Variants in CPLX2 observed in about 807,000 individuals in gnomAD.
CPLX2 encodes complexin-2.
A neutral mutation model predicts 16.3 loss-of-function variants in CPLX2; 5 were observed. That is an observed-to-expected ratio of 0.31 (90% CI 0.16 to 0.64). The LOEUF (loss-of-function observed/expected upper bound fraction) is 0.64, where lower values mean the gene tolerates loss of function less well. Ranked by LOEUF, CPLX2 falls within the 30% of genes least tolerant of loss-of-function variation. CPLX2 has a pLI of 0.79. For missense variants in CPLX2, 144 were observed against 181.4 expected, an observed-to-expected ratio of 0.79 and a Z score of 1.18; for synonymous variants, 89 against 73.2, an observed-to-expected ratio of 1.22 and a Z score of -1.10.
At chr5:175,851,216 T>C (rs1051795861) in intron 2 of CPLX2, among the ~76,000 whole-genome samples, 1 of 152,046 alleles carries the variant, frequency 6.6e-6, no homozygotes, top group African/African-American at 2.4e-5. Context: ...CCCCCTTTGG[T>C]TTGAGCTGGG....
upstream of CPLX2, chr5:175,871,410 G>GGAGAGAGAGAGAGAGA (rs72487413): frequency 1.0e-4 from 3 of 28,680 alleles, no homozygotes; most frequent in African/African-American, 2.5e-4. Flanking sequence ...AAGAGAGAGA[G>GGAGAGAGAGAGAGAGA]GAGAGAGAGA....
intron 2 of CPLX2, among the ~76,000 whole-genome samples, chr5:175,835,005 G>T (rs1449464493): frequency 1.3e-5 from 2 of 152,242 alleles, no homozygotes; most frequent in Non-Finnish European, 1.5e-5. Flanking sequence ...AGGCCAGGGG[G>T]CAGGACCACA....
chr5:175,806,099 C>T (rs117803998), intron 1 of CPLX2, among the ~76,000 whole-genome samples: 6 of 152,298 alleles, frequency 3.9e-5, no homozygotes, highest in East Asian at 3.9e-4. Flanking sequence ...GGATCTAGAG[C>T]GCAGAGCTGA....
chr5:175,820,514 C>G (rs1221225358), intron 2 of CPLX2, among the ~76,000 whole-genome samples: 1 of 152,164 alleles, frequency 6.6e-6, no homozygotes, highest in Non-Finnish European at 1.5e-5. Context: ...TGCAGCTGCC[C>G]CCACTCAGGC....
At chr5:175,851,339 G>A (rs1333454906) in intron 2 of CPLX2, among the ~76,000 whole-genome samples, 1 of 152,210 alleles carries the variant, frequency 6.6e-6, no homozygotes, top group Non-Finnish European at 1.5e-5. Context: ...CAAAGGCCCA[G>A]TGAGGCTGGG....
upstream of CPLX2, among the ~76,000 whole-genome samples, chr5:175,867,596 T>C (rs994257375): frequency 6.6e-6 from 1 of 152,098 alleles, no homozygotes; most frequent in Admixed American, 6.5e-5. Context: ...TGACTTATTC[T>C]ACTCTAATAA....
upstream of CPLX2, chr5:175,871,472 A>AGAGAGAGAGG (rs1759615142): frequency 1.3e-5 from 2 of 149,660 alleles, no homozygotes; most frequent in East Asian, 2.0e-4. Flanking sequence ...AGAGAGAGAG[A>AGAGAGAGAGG]GAGAGAGAGA....
At chr5:175,878,414 G>C in intron 1 of CPLX2, 1 of 476,570 alleles carries the variant, frequency 2.1e-6, no homozygotes, top group Non-Finnish European at 3.7e-6. Context: ...ATAGGGTCAA[G>C]ATGAAGGCTT....
rs1273424592 is a variant in CPLX2, at chr5:175,849,113, G to T, written c.-88-29539G>T. ...CAGGATCCCTCCTCTGCTGTGGGAGGCTGTGCTGGTGTGTGTTTTTAACAC... is the reference window on the plus strand; with the variant it reads ...CAGGATCCCTCCTCTGCTGTGGGAGTCTGTGCTGGTGTGTGTTTTTAACAC... On this transcript the variant is annotated intron_variant, in intron 2 of 4. Coordinates refer to the CPLX2 transcript ENST00000359546. This position sits in a 1 kb window ranked among gnomAD's most constrained non-coding sequence, Gnocchi z 4.4. Among the ~76,000 whole-genome samples the T allele has an allele frequency of 6.6e-6, 1 of 152,182 alleles. No individual in the cohort carries two copies. Among genetic ancestry groups the T allele is most frequent in the Non-Finnish European group, 1.5e-5 (1 of 68,040 alleles).
At chr5:175,848,388 G>T (rs1280613254) in intron 2 of CPLX2, among the ~76,000 whole-genome samples, 1 of 152,210 alleles carries the variant, frequency 6.6e-6, no homozygotes, top group Non-Finnish European at 1.5e-5. Context: ...AAGTCAACCA[G>T]GGGACAGGAG....
chr5:175,845,373 C>G lies in CPLX2; in HGVS notation c.-88-33279C>G, dbSNP rs574507603. ...CCTCATTTCCTCAACTCTGCCCCTG[C>G]TCCCACACTGCAGCCACATGGCCTT... On this transcript the variant is annotated intron_variant, in intron 2 of 4. Coordinates refer to the CPLX2 transcript ENST00000359546. The surrounding 1 kb of genome is among the most constrained non-coding windows in gnomAD (Gnocchi z 4.0). 1.2e-4 allele frequency among the ~76,000 whole-genome samples: 19 copies of G among 152,338 alleles called. No individual in the cohort carries two copies. In the East Asian group the frequency reaches 2.9e-3, roughly 23 times the overall value.
chr5:175,823,012 C>T (rs1010007076), intron 2 of CPLX2, among the ~76,000 whole-genome samples: 3 of 152,266 alleles, frequency 2.0e-5, no homozygotes, highest in Admixed American at 6.5e-5. Flanking sequence ...AACAGGCTCA[C>T]GCCTTCTTAG....
At chr5:175,857,411 T>C (rs6863378) in intron 2 of CPLX2, among the ~76,000 whole-genome samples, 8,851 of 152,264 alleles carry the variant, frequency 0.058, 877 homozygotes, top group African/African-American at 0.2. Flanking sequence ...CTCCTTGACT[T>C]ACAATGGGTT....
chr5:175,823,039 C>T (rs1173149080), intron 2 of CPLX2, among the ~76,000 whole-genome samples: 1 of 152,208 alleles, frequency 6.6e-6, no homozygotes, highest in African/African-American at 2.4e-5. Flanking sequence ...GGTGTCATCT[C>T]CTCAAAAAAA....
chr5:175,829,505 G>A (rs565288046), intron 2 of CPLX2, among the ~76,000 whole-genome samples: 1 of 152,266 alleles, frequency 6.6e-6, no homozygotes, highest in South Asian at 2.1e-4. Flanking sequence ...GGTGGGCCTC[G>A]AGCTCCACCT....
At chr5:175,806,345 T>C (rs548027343) in intron 1 of CPLX2, among the ~76,000 whole-genome samples, 1 of 152,308 alleles carries the variant, frequency 6.6e-6, no homozygotes, top group South Asian at 2.1e-4. Context: ...CTGCAAATCC[T>C]TAGCTCCAGA....
At chr5:175,800,430 A>G (rs1561766608) in intron 1 of CPLX2, among the ~76,000 whole-genome samples, 1 of 151,774 alleles carries the variant, frequency 6.6e-6, no homozygotes, top group Non-Finnish European at 1.5e-5. Flanking sequence ...GGGTGCAGTG[A>G]GCTGAGATCA....
intron 2 of CPLX2, among the ~76,000 whole-genome samples, chr5:175,825,010 G>A (rs1396576410): frequency 6.6e-6 from 1 of 152,138 alleles, no homozygotes; most frequent in Non-Finnish European, 1.5e-5. Flanking sequence ...TGAGGAACTG[G>A]GATAGCATCT....
chr5:175,826,182 G>T (rs955705623), intron 2 of CPLX2, among the ~76,000 whole-genome samples: 2 of 152,006 alleles, frequency 1.3e-5, no homozygotes, highest in Admixed American at 1.3e-4. Flanking sequence ...TGACTGAGTG[G>T]GTAGGATAGT....
Sources: gnomAD v4.1 joint callset for allele counts (sites outside exome capture counted in the v4.1 genomes callset) on GRCh38, gnomAD v4.1.1 for gene constraint, Gnocchi (gnomAD v3.1) non-coding constraint, MANE v1.5 for transcripts, NCBI Gene and HGNC (gene_info 2026-07-23, HGNC 2026-07-21) for gene names.